ANKRD36C: variants seen among roughly 807,000 people sequenced by gnomAD.
ANKRD36C encodes ankyrin repeat domain 36C, also known as ankyrin repeat domain-containing protein 36C.
A neutral mutation model predicts 276.4 loss-of-function variants in ANKRD36C; 61 were observed. The ratio of observed to expected loss-of-function variants is 0.22; its 90% CI spans 0.18 to 0.27. The LOEUF (loss-of-function observed/expected upper bound fraction) is 0.27, where lower values mean the gene tolerates loss of function less well. Ranked by LOEUF, ANKRD36C falls within the 10% of genes least tolerant of loss-of-function variation. ANKRD36C has a pLI of 1.00. For missense variants in ANKRD36C, 1,447 were observed against 2,032.3 expected (o/e 0.71, Z 5.54); for synonymous variants, 483 against 680.1 (o/e 0.71, Z 4.51).
At position 95,853,727 on chromosome 2, in the gene ANKRD36C, T is replaced by C. The variant is rs201755982; in HGVS notation, c.5130A>G (p.Leu1710=). 1.2e-3 allele frequency: 1,934 copies of C among 1,588,308 alleles called. 1 individual carries two copies. Among genetic ancestry groups the C allele is most frequent in the Non-Finnish European group, 1.5e-3 (1,797 of 1,166,500 alleles). ...TACATACTTGACTTCTCATCTGGTC[T>C]AATTTCTTCCTTGAATCCTGCATCC... Residue 1710 remains leucine (L), a synonymous_variant, in exon 64 of 67, where the codon TTA becomes TTG. Coordinates refer to ENST00000456556, the Ensembl canonical transcript of ANKRD36C.
At chr2:95,864,066 T>C (rs1360211115) in intron 60 of ANKRD36C, among the ~76,000 whole-genome samples, 2 of 151,990 alleles carry the variant, frequency 1.3e-5, no homozygotes, top group African/African-American at 2.4e-5. Context: ...AAACATGTAT[T>C]GGATTGGGGG....
intron 42 of ANKRD36C, among the ~76,000 whole-genome samples, chr2:95,902,497 T>A (rs1487736169): frequency 6.6e-6 from 1 of 150,582 alleles, no homozygotes; most frequent in Admixed American, 6.6e-5. Context: ...GTCTACGGGT[T>A]GTTACAACAA....
At chr2:95,912,553 T>C in intron 40 of ANKRD36C, 118 bp from the exon 43 acceptor site, 1 of 1,555,746 alleles carries the variant, frequency 6.4e-7, no homozygotes, top group Non-Finnish European at 8.7e-7. Flanking sequence ...GAGGCTTTGA[T>C]GGCTTCTATT....
chr2:95,966,036 C>T (rs1678584296), intron 6 of ANKRD36C, among the ~76,000 whole-genome samples: 1 of 152,086 alleles, frequency 6.6e-6, no homozygotes. Context: ...ACCATAACAG[C>T]TCAGAATGAC....
chr2:95,884,228 T>C (rs763047158), exon 54 of ANKRD36C: 1 of 1,610,020 alleles, frequency 6.2e-7, no homozygotes, highest in Non-Finnish European at 8.5e-7. Flanking sequence ...AAACAGAATC[T>C]TTCTCATCAC....
chr2:95,849,585 A>G (rs1296705420), downstream of ANKRD36C, among the ~76,000 whole-genome samples: 3 of 152,170 alleles, frequency 2.0e-5, no homozygotes, highest in Non-Finnish European at 4.4e-5. Context: ...TTATTACTAC[A>G]TTGTAATACA....
exon 56 of ANKRD36C, chr2:95,882,374 C>A (rs1329137633): frequency 5.8e-6 from 9 of 1,549,562 alleles, no homozygotes; most frequent in South Asian, 1.2e-5. Flanking sequence ...TTAAATATAA[C>A]CTGAATGGAA....
At chr2:95,976,553 C>T (rs1027217530) in intron 6 of ANKRD36C, among the ~76,000 whole-genome samples, 1 of 152,146 alleles carries the variant, frequency 6.6e-6, no homozygotes, top group Non-Finnish European at 1.5e-5. Flanking sequence ...TTTTCTCACA[C>T]ATTACCCTTA....
intron 52 of ANKRD36C, among the ~76,000 whole-genome samples, chr2:95,884,950 C>G (rs1332404026): frequency 6.6e-6 from 1 of 151,984 alleles, no homozygotes; most frequent in Non-Finnish European, 1.5e-5. Flanking sequence ...TTCCTCACAC[C>G]CACGTGGTGT....
intron 6 of ANKRD36C, among the ~76,000 whole-genome samples, chr2:95,971,785 T>C (rs565901092): frequency 1.3e-5 from 2 of 152,260 alleles, no homozygotes; most frequent in South Asian, 2.1e-4. Flanking sequence ...ATTTTTTTAT[T>C]TTAATTTTAA....
chr2:95,902,737 A>T, intron 42 of ANKRD36C, 149 bp downstream of exon 54: 1 of 1,079,502 alleles, frequency 9.3e-7, no homozygotes. Flanking sequence ...CATCATCATC[A>T]TCACCCACAA....
intron 24 of ANKRD36C, among the ~76,000 whole-genome samples, chr2:95,934,891 A>G: frequency 6.6e-6 from 1 of 152,308 alleles, no homozygotes; most frequent in Non-Finnish European, 1.5e-5. Flanking sequence ...AGAGTCACCA[A>G]AAAATGATTA....
intron 6 of ANKRD36C, among the ~76,000 whole-genome samples, chr2:95,967,338 G>A (rs906650875): frequency 1.3e-5 from 2 of 152,144 alleles, no homozygotes; most frequent in Non-Finnish European, 2.9e-5. Flanking sequence ...GATATGAACA[G>A]ACACTTCTCA....
In ANKRD36C at chr2:95,981,393, A is replaced by G. The variant is rs923952850; in HGVS notation, c.594-608T>C. 7.7e-5 allele frequency among the ~76,000 whole-genome samples: 11 copies of G among 143,328 alleles called. No individual in the cohort carries two copies. In the East Asian group the frequency reaches 2.1e-3, roughly 28 times the overall value. 94.0% of individuals were successfully genotyped at this position (143,328 alleles called of 152,430 possible). ...ATAATCTATAAAATATATAATATACATTCTATATTATATATTATCTATAAA... is the reference window on the plus strand; with the variant it reads ...ATAATCTATAAAATATATAATATACGTTCTATATTATATATTATCTATAAA... On this transcript the variant is annotated intron_variant, in intron 4 of 66. Coordinates refer to ENST00000456556, the Ensembl canonical transcript of ANKRD36C.
intron 17 of ANKRD36C, among the ~76,000 whole-genome samples, chr2:95,946,156 GAAA>G (rs56964568): frequency 4.1e-5 from 3 of 73,300 alleles, no homozygotes; most frequent in East Asian, 4.4e-4. Context: ...ACAGAGAGAG[GAAA>G]AAAAAAAAAA....
chr2:95,948,184 T>C (rs1339516920), intron 17 of ANKRD36C, among the ~76,000 whole-genome samples: 2 of 152,208 alleles, frequency 1.3e-5, no homozygotes, highest in Non-Finnish European at 2.9e-5. Context: ...TCATATGATA[T>C]ACAACTCAGA....
Position 95,923,535 on chromosome 2 carries a change from A to T in ANKRD36C, c.2103T>A (p.Asn701Lys), listed in dbSNP as rs763841327. The stretch of plus-strand genomic sequence containing the variant: ...GTCCATCCTTTATTTCTGTAGCTAT[A>T]TTCAAAGCAGAATCTGTCTTGTCAC... Residue 701 changes from asparagine to lysine, a missense_variant, in exon 32 of 67, where the codon AAT (asparagine) becomes AAA (lysine). This residue lies in a region of ANKRD36C where 565 missense variants were observed against 539.5 expected (regional missense o/e 1.05). Coordinates refer to ENST00000456556, the Ensembl canonical transcript of ANKRD36C. The T allele has an allele frequency of 7.4e-6, 12 of 1,611,028 alleles. No homozygotes were observed. In the South Asian group the frequency reaches 9.9e-5, roughly 13 times the overall value.
At chr2:95,883,664 C>T (rs1339159877) in intron 54 of ANKRD36C, among the ~76,000 whole-genome samples, 1 of 151,976 alleles carries the variant, frequency 6.6e-6, no homozygotes, top group Non-Finnish European at 1.5e-5. Flanking sequence ...GAAGAAACAA[C>T]AAAATTACCT....
intron 42 of ANKRD36C, among the ~76,000 whole-genome samples, chr2:95,909,641 A>C (rs952252465): frequency 1.4e-5 from 2 of 140,800 alleles, no homozygotes; most frequent in African/African-American, 5.3e-5. Flanking sequence ...AAGCCAATGT[A>C]TTCAGATTCA....
Sources: gnomAD v4.1 joint callset for allele counts (sites outside exome capture counted in the v4.1 genomes callset) on GRCh38, gnomAD v4.1.1 for gene constraint, gnomAD v4.1.1 regional missense constraint, MANE v1.5 for transcripts, NCBI Gene and HGNC (gene_info 2026-07-23, HGNC 2026-07-21) for gene names.